The following SNAPC3 variants were observed in gnomAD, a reference collection of about 807,000 sequenced individuals.
SNAPC3 encodes the protein snRNA-activating protein complex subunit 3.
In SNAPC3, 56 loss-of-function variants were observed where a neutral mutation model predicts 47.7. The ratio of observed to expected loss-of-function variants is 1.18; its 90% CI spans 0.95 to 1.47. The LOEUF is 1.47. SNAPC3 is among the 40% of genes most tolerant of loss of function. The probability of loss-of-function intolerance (pLI) is 0.00; values close to 1 mark genes in which losing one functional copy is unlikely to be tolerated. For missense variants in SNAPC3, 665 were observed against 511.3 expected, an observed-to-expected ratio of 1.30 and a Z score of -2.90; for synonymous variants, 235 against 189.9, an observed-to-expected ratio of 1.24 and a Z score of -1.95.
intron 7 of SNAPC3, among the ~76,000 whole-genome samples, chr9:15,455,735 G>A (rs1230278002): frequency 6.9e-6 from 1 of 145,870 alleles, no homozygotes; most frequent in Non-Finnish European, 1.5e-5. Flanking sequence ...GTTTCGCTCT[G>A]TTGCCTAGGC....
At position 15,422,892 on chromosome 9, in the gene SNAPC3, AG is replaced by A; in HGVS notation, c.14del (p.Ser5ThrfsTer33). ...GAGTGGGGCGAACATGGCTGAAGGA[AG>A]CCGAGGTGGCCCTACGTGTAGCGGG... MAEGSRGGPTCSGVG... is the reference protein window; with the variant it reads MAEGXRGGPTCSGVG... On this transcript the variant is annotated frameshift_variant, in exon 1 of 9. Coordinates refer to ENST00000380821, the MANE Select transcript of SNAPC3 (RefSeq NM_001039697.2). LOFTEE classifies it high-confidence loss of function. 1 of 1,535,664 alleles carries A rather than the reference AG, an allele frequency of 6.5e-7. No homozygotes were observed. The highest frequency in any genetic ancestry group is 2.6e-5 in the East Asian group (1 of 39,126).
intron 2 of SNAPC3, among the ~76,000 whole-genome samples, chr9:15,425,860 T>C (rs945289005): frequency 6.6e-6 from 1 of 152,144 alleles, no homozygotes; most frequent in Non-Finnish European, 1.5e-5. Flanking sequence ...CCTTGCTGTT[T>C]TCATTTTGTT....
chr9:15,425,263 G>A (rs1162338698), intron 2 of SNAPC3, among the ~76,000 whole-genome samples: 1 of 152,176 alleles, frequency 6.6e-6, no homozygotes, highest in African/African-American at 2.4e-5. Flanking sequence ...CTGTTGCCCA[G>A]GCTGGAGTGC....
Position 15,453,046 on chromosome 9 carries a change from T to G in SNAPC3, c.821T>G (p.Ile274Ser), listed in dbSNP as rs2034510945. The change falls in exon 7 of 9, where the codon ATC becomes AGC. Residue 274 changes from isoleucine to serine, a missense_variant. Transcript: ENST00000380821. ...CTTGCCTTTTCCCCCCTCAGAACTATCATTGAGTGGTCAGAGTCCCATGAT... is the reference window on the plus strand; with the variant it reads ...CTTGCCTTTTCCCCCCTCAGAACTAGCATTGAGTGGTCAGAGTCCCATGAT... ...YPECRDLSRT[I>S]IEWSESHDRG... The G allele has an allele frequency of 6.2e-7, 1 of 1,612,278 alleles. No individual in the cohort carries two copies. The highest frequency in any genetic ancestry group is 1.1e-5 in the South Asian group (1 of 90,686).
downstream of SNAPC3, chr9:15,463,003 G>A (rs945157440): frequency 1.3e-5 from 2 of 152,064 alleles, no homozygotes; most frequent in Non-Finnish European, 2.9e-5. Flanking sequence ...AAGTGTATGA[G>A]TAGGAACACA....
chr9:15,459,875 A>G lies in SNAPC3; in HGVS notation c.*9A>G, dbSNP rs2035072996. On this transcript the variant is annotated 3_prime_UTR_variant, in exon 9 of 9. Transcript: ENST00000380821. ...CTGGAACCTTTAATTAAGAATAGCT[A>G]CACTCACAAAAATACCCCCTCATGA... 4.4e-6 allele frequency: 7 copies of G among 1,602,332 alleles called. No individual in the cohort carries two copies. The highest frequency in any genetic ancestry group is 1.1e-5 in the South Asian group (1 of 89,296).
intron 6 of SNAPC3, among the ~76,000 whole-genome samples, chr9:15,452,215 G>A (rs114477707): frequency 0.043 from 6,581 of 152,090 alleles, 477 homozygotes; most frequent in African/African-American, 0.15. Flanking sequence ...CGACTGCATC[G>A]GCCTCCCAAA....
In SNAPC3 at chr9:15,444,556, T is replaced by A. The variant is rs568393939; in HGVS notation, c.478-46T>A. The A allele has an allele frequency of 4.1e-6, 5 of 1,232,328 alleles. No individual in the cohort carries two copies. In the Admixed American group the frequency reaches 7.0e-5, roughly 17 times the overall value. The allele number at this position is 1,232,328 out of a possible 1,614,324, so 76.3% of individuals were successfully genotyped here. Reference sequence around the variant, plus strand: ...AGCCATTGTACCACACTGCATCTTATCTGAGTTATAGTATCTGATTTCAGT... The same window carrying A: ...AGCCATTGTACCACACTGCATCTTAACTGAGTTATAGTATCTGATTTCAGT... On this transcript the variant is annotated intron_variant, in intron 3 of 8. Transcript: ENST00000380821.
At chr9:15,432,391 C>G (rs2032274968) in intron 2 of SNAPC3, among the ~76,000 whole-genome samples, 1 of 152,052 alleles carries the variant, frequency 6.6e-6, no homozygotes, top group African/African-American at 2.4e-5. Context: ...CGCCTAGAAC[C>G]CAGATACTGG....
chr9:15,451,911 T>G (rs114496197), intron 6 of SNAPC3, among the ~76,000 whole-genome samples: 3,508 of 152,204 alleles, frequency 0.023, 140 homozygotes, highest in African/African-American at 0.08. Flanking sequence ...GACCATACTT[T>G]CATTATCAAT....
chr9:15,423,924 A>C lies in SNAPC3; in HGVS notation c.330A>C (p.Lys110Asn). The C allele has an allele frequency of 6.3e-7, 1 of 1,575,724 alleles. No individual in the cohort carries two copies. Among genetic ancestry groups the C allele is most frequent in the Non-Finnish European group, 8.6e-7 (1 of 1,162,458 alleles). ...TTTGTTTTAGCCTTGATAAACTGAAATGCCTTGAGGACGGTGAGGATCCAG... is the reference window on the plus strand; with the variant it reads ...TTTGTTTTAGCCTTGATAAACTGAACTGCCTTGAGGACGGTGAGGATCCAG... ...LRAVCGLDKL[K>N]CLEDGEDPEV... The change falls in exon 2 of 9, where the codon AAA (lysine) becomes AAC (asparagine). Residue 110 changes from lysine (K) to asparagine (N), a missense_variant. Lys to Asn is a moderately conservative substitution (Grantham distance 94). Coordinates refer to ENST00000380821, the MANE Select transcript of SNAPC3 (RefSeq NM_001039697.2).
At chr9:15,446,576 G>A (rs964168591) in intron 4 of SNAPC3, among the ~76,000 whole-genome samples, 7 of 152,160 alleles carry the variant, frequency 4.6e-5, no homozygotes, top group African/African-American at 1.2e-4. Flanking sequence ...CCTTTGAAAG[G>A]AGATTTTTAT....
At chr9:15,441,910 A>T (rs1166010592) in intron 3 of SNAPC3, among the ~76,000 whole-genome samples, 4 of 152,130 alleles carry the variant, frequency 2.6e-5, no homozygotes, top group African/African-American at 9.7e-5. Context: ...GCTGTTGGGT[A>T]CACCTCCCAG....
chr9:15,452,560 C>A (rs573073115), intron 6 of SNAPC3, among the ~76,000 whole-genome samples: 2 of 152,230 alleles, frequency 1.3e-5, no homozygotes, highest in African/African-American at 4.8e-5. Flanking sequence ...TCAAGCGATC[C>A]GCCCACCTCG....
At chr9:15,427,769 G>C (rs1225360390) in intron 2 of SNAPC3, among the ~76,000 whole-genome samples, 1 of 152,080 alleles carries the variant, frequency 6.6e-6, no homozygotes, top group African/African-American at 2.4e-5. Flanking sequence ...GTTAACAAAA[G>C]GAACTTACAG....
chr9:15,449,683 G>A (rs953779962), intron 5 of SNAPC3, among the ~76,000 whole-genome samples: 6 of 147,224 alleles, frequency 4.1e-5, no homozygotes, highest in Non-Finnish European at 5.9e-5. Flanking sequence ...CGATTCTCCT[G>A]CCTCAGCCCC....
intron 1 of SNAPC3, 72 bp downstream of exon 1, chr9:15,423,265 G>T: frequency 7.1e-7 from 1 of 1,412,814 alleles, no homozygotes; most frequent in Admixed American, 2.8e-5. Flanking sequence ...GCGCTCCTCT[G>T]GGACTCATCC....
intron 6 of SNAPC3, 27 bp downstream of exon 6, chr9:15,451,429 G>A: frequency 9.0e-7 from 1 of 1,111,780 alleles, no homozygotes. Context: ...TCTTCTCAAA[G>A]TCTTTCCTAT....
chr9:15,466,622 C>G (rs1039409900), downstream of SNAPC3: 3 of 670,528 alleles, frequency 4.5e-6, no homozygotes, highest in Non-Finnish European at 4.7e-6. Flanking sequence ...AACTTGCTTA[C>G]TGAATTCAGG....
Sources: allele counts gnomAD v4.1 joint callset (sites outside exome capture counted in the v4.1 genomes callset), GRCh38; gene constraint gnomAD v4.1.1; transcripts MANE v1.5; gene names NCBI Gene and HGNC (gene_info 2026-07-23, HGNC 2026-07-21).